RAPGEF2: variants seen among roughly 807,000 people sequenced by gnomAD.
RAPGEF2 encodes PDZ domain containing guanine nucleotide exchange factor (GEF) 1.
A neutral mutation model predicts 186.7 loss-of-function variants in RAPGEF2; 54 were observed. The ratio of observed to expected loss-of-function variants is 0.29; its 90% CI spans 0.23 to 0.36. RAPGEF2 has a LOEUF of 0.36. RAPGEF2 is among the 10% of genes least tolerant of loss of function. RAPGEF2 has a pLI of 1.00. For missense variants in RAPGEF2, 1,532 were observed against 2,045.0 expected (o/e 0.75, Z 4.84); for synonymous variants, 712 against 705.9 (o/e 1.01, Z -0.14).
intron 4 of RAPGEF2, among the ~76,000 whole-genome samples, chr4:159,234,463 A>G (rs927206710): frequency 6.6e-6 from 1 of 151,172 alleles, no homozygotes; most frequent in African/African-American, 2.4e-5. Flanking sequence ...TCTCACCGCA[A>G]CCTCTGCCTT....
chr4:159,255,094 A>C (rs1755992638), intron 7 of RAPGEF2, among the ~76,000 whole-genome samples: 1 of 152,202 alleles, frequency 6.6e-6, no homozygotes, highest in Non-Finnish European at 1.5e-5. Flanking sequence ...CATGCTGTAC[A>C]GATTTGTCAC....
intron 5 of RAPGEF2, among the ~76,000 whole-genome samples, chr4:159,239,786 A>C (rs1753738346): frequency 6.6e-6 from 1 of 152,198 alleles, no homozygotes; most frequent in East Asian, 1.9e-4. Context: ...CTGGGAAGGA[A>C]GATCTTGTAA....
intron 1 of RAPGEF2, among the ~76,000 whole-genome samples, chr4:159,122,374 G>C (rs894776136): frequency 1.3e-5 from 2 of 151,822 alleles, no homozygotes; most frequent in African/African-American, 4.8e-5. Flanking sequence ...AGCTACTTAG[G>C]AGGCTGAGGC....
At chr4:159,250,811 C>A (rs1220564843) in intron 7 of RAPGEF2, among the ~76,000 whole-genome samples, 1 of 152,094 alleles carries the variant, frequency 6.6e-6, no homozygotes, top group Admixed American at 6.5e-5. Context: ...GCCTCGGCAT[C>A]CACTCTGGCC....
rs553941948 is a variant in RAPGEF2 at position 159,291,727 on chromosome 4, T to A, written c.544-12615T>A. ...AAATGATAACTTAGAATAGATGGAG[T>A]TTCACAGTTTTGAGTCACTATCCAT... is the stretch of plus-strand genomic sequence containing the variant. On this transcript the variant is annotated intron_variant, in intron 7 of 29. Transcript: ENST00000691494. 4.6e-5 allele frequency among the ~76,000 whole-genome samples: 7 copies of A among 152,150 alleles called. No individual in the cohort carries two copies. The South Asian group carries it at 1.5e-3, about 32-fold the overall frequency.
chr4:159,262,036 TACTC>T (rs1756934241), intron 7 of RAPGEF2, among the ~76,000 whole-genome samples: 1 of 152,238 alleles, frequency 6.6e-6, no homozygotes, highest in African/African-American at 2.4e-5. Flanking sequence ...CTTTTATAAT[TACTC>T]ACCCATCCTG....
At chr4:159,211,548 A>T (rs1397382341) in intron 4 of RAPGEF2, among the ~76,000 whole-genome samples, 1 of 152,248 alleles carries the variant, frequency 6.6e-6, no homozygotes, top group Non-Finnish European at 1.5e-5. Flanking sequence ...GGTCAGGGTC[A>T]TATTAAGAAT....
chr4:159,126,981 CTG>C (rs548902351), intron 1 of RAPGEF2, among the ~76,000 whole-genome samples: 55 of 152,258 alleles, frequency 3.6e-4, no homozygotes, highest in African/African-American at 1.1e-3. Flanking sequence ...AAAGAGGTAA[CTG>C]TGGTTTGTGG....
intron 20 of RAPGEF2, among the ~76,000 whole-genome samples, chr4:159,342,566 ATT>A (rs1381011870): frequency 3.0e-5 from 4 of 131,448 alleles, no homozygotes; most frequent in Non-Finnish European, 6.5e-5. Flanking sequence ...ATTTTATTTT[ATT>A]TTATTTTATT....
intron 7 of RAPGEF2, among the ~76,000 whole-genome samples, chr4:159,246,303 T>A (rs1331167444): frequency 6.6e-6 from 1 of 152,138 alleles, no homozygotes; most frequent in African/African-American, 2.4e-5. Context: ...GAATGCCATA[T>A]AATATTAAAC....
At chr4:159,194,002 G>A (rs969233784) in intron 3 of RAPGEF2, among the ~76,000 whole-genome samples, 5 of 152,146 alleles carry the variant, frequency 3.3e-5, no homozygotes, top group African/African-American at 1.2e-4. Context: ...AACAACAACA[G>A]AAACAAACAA....
At chr4:159,198,322 CTTTCTTTCTTTCTTTT>C (rs1405837224) in intron 3 of RAPGEF2, among the ~76,000 whole-genome samples, 2 of 56,704 alleles carry the variant, frequency 3.5e-5, no homozygotes, top group Non-Finnish European at 6.2e-5. Context: ...TTCTTTCTTT[CTTTCTTTCTTTCTTTT>C]TCTTTCTCTC....
In RAPGEF2 at chr4:159,341,739, G is replaced by C. The variant is rs1220617084; in HGVS notation, c.2710G>C (p.Asp904His). ...FRNIEPTEYI[D>H]DLFKLRSKTS... ...CAACATTGAACCTACTGAATATATA[G>C]ATGATTTATTTAAACTCAGATCAAA... The change falls in exon 20 of 30, where the codon GAT becomes CAT. Residue 904 changes from aspartate (D) to histidine (H), a missense_variant. Asp to His is a moderately conservative substitution (Grantham distance 81, BLOSUM62 -1). This residue lies in a region of RAPGEF2 where 810 missense variants were observed against 1,210.5 expected (regional missense o/e 0.67). Transcript: ENST00000691494. The C allele has an allele frequency of 6.2e-7, 1 of 1,613,950 alleles. No homozygotes were observed. The highest frequency in any genetic ancestry group is 8.5e-7 in the Non-Finnish European group (1 of 1,179,896).
chr4:159,261,273 A>G (rs1057048294), intron 7 of RAPGEF2, among the ~76,000 whole-genome samples: 1 of 151,058 alleles, frequency 6.6e-6, no homozygotes, highest in African/African-American at 2.4e-5. Context: ...TGTGTTAGCC[A>G]GGATGGTCTC....
At chr4:159,169,463 C>T (rs1428585893) in intron 1 of RAPGEF2, among the ~76,000 whole-genome samples, 3 of 152,056 alleles carry the variant, frequency 2.0e-5, no homozygotes, top group African/African-American at 7.2e-5. Context: ...TTAAAATTTA[C>T]TTAGTGATTT....
chr4:159,139,268 G>A (rs1742053863), intron 1 of RAPGEF2, among the ~76,000 whole-genome samples: 1 of 152,012 alleles, frequency 6.6e-6, no homozygotes, highest in Non-Finnish European at 1.5e-5. Flanking sequence ...GTGCAATGAG[G>A]AAGCAGTGTG....
intron 1 of RAPGEF2, among the ~76,000 whole-genome samples, chr4:159,126,748 A>T (rs1034443586): frequency 6.6e-6 from 1 of 151,980 alleles, no homozygotes; most frequent in African/African-American, 2.4e-5. Context: ...TATTTTTCTC[A>T]GTTGATTATA....
intron 23 of RAPGEF2, 35 bp downstream of exon 23, chr4:159,344,094 T>C: frequency 6.6e-7 from 1 of 1,521,720 alleles, no homozygotes; most frequent in African/African-American, 1.4e-5. Flanking sequence ...CCACACACAG[T>C]TCTTATTCTG....
In RAPGEF2 at chr4:159,241,369, G is replaced by C. The variant is rs1181244474; in HGVS notation, c.525+1G>C. The C allele has an allele frequency of 6.9e-7, 1 of 1,444,962 alleles. No homozygotes were observed. Among genetic ancestry groups the C allele is most frequent in the Non-Finnish European group, 9.1e-7 (1 of 1,098,360 alleles). 89.5% of individuals were successfully genotyped at this position (1,444,962 alleles called of 1,614,324 possible). A position where few individuals can be genotyped will look rare whatever the true frequency, so the allele number is the denominator to read the frequency against. ...TCCTTTGCCTAGAGGCTATCACACGGTAAGTTATACAAGTATAATATTTTT... is the reference window on the plus strand; with the variant it reads ...TCCTTTGCCTAGAGGCTATCACACGCTAAGTTATACAAGTATAATATTTTT... On this transcript the variant is annotated splice_donor_variant, in intron 6 of 29. Transcript: ENST00000691494. LOFTEE classifies it high-confidence loss of function.
Sources: gnomAD v4.1 joint callset for allele counts (sites outside exome capture counted in the v4.1 genomes callset) on GRCh38, gnomAD v4.1.1 for gene constraint, gnomAD v4.1.1 regional missense constraint, MANE v1.5 for transcripts, NCBI Gene and HGNC (gene_info 2026-07-23, HGNC 2026-07-21) for gene names.